The following RP1 variants were observed in gnomAD, a reference collection of about 807,000 sequenced individuals.
RP1 encodes the protein RP1 axonemal microtubule associated, also known as oxygen-regulated protein 1.
A neutral mutation model predicts 14.8 loss-of-function variants in RP1; 16 were observed. The ratio of observed to expected loss-of-function variants is 1.08; its 90% confidence interval spans 0.73 to 1.65. The LOEUF (loss-of-function observed/expected upper bound fraction) is 1.65. RP1 is among the 40% of genes most tolerant of loss of function. The pLI, the probability that RP1 is intolerant of heterozygous loss-of-function variation, is 0.00. For synonymous variants in RP1, 876 were observed against 883.6 expected (o/e 0.99, Z 0.15); for missense variants, 2,631 against 2,535.0 (o/e 1.04, Z -0.81).
chr8:54,604,766 G>A (rs887680368), intron 1 of RP1, among the ~76,000 whole-genome samples: 2 of 152,158 alleles, frequency 1.3e-5, no homozygotes, highest in African/African-American at 4.8e-5. Context: ...TTTAGTCTTG[G>A]GAGGGTGTAT....
intron 4 of RP1, among the ~76,000 whole-genome samples, chr8:54,651,496 C>G (rs578175364): frequency 2.5e-4 from 38 of 151,716 alleles, no homozygotes; most frequent in African/African-American, 8.9e-4. Flanking sequence ...TTTTGGTGGT[C>G]TGTGTGTTTC....
intron 7 of RP1, among the ~76,000 whole-genome samples, chr8:54,664,509 C>T (rs1468564718): frequency 2.0e-5 from 3 of 152,096 alleles, no homozygotes; most frequent in African/African-American, 7.2e-5. Context: ...ACAATCCCAC[C>T]AGCAGTGCAC....
At chr8:54,802,015 T>C (rs1198384741) in intron 24 of RP1, among the ~76,000 whole-genome samples, 2 of 152,200 alleles carry the variant, frequency 1.3e-5, no homozygotes, top group African/African-American at 4.8e-5. Context: ...TTATTTTCTT[T>C]TTATTAGATT....
chr8:54,743,832 T>C (rs1049079928), intron 19 of RP1, among the ~76,000 whole-genome samples: 1 of 152,190 alleles, frequency 6.6e-6, no homozygotes, highest in Non-Finnish European at 1.5e-5. Flanking sequence ...TCCCCACTAA[T>C]GCCCATTCAC....
At chr8:54,697,694 T>C (rs2129342098) in intron 12 of RP1, among the ~76,000 whole-genome samples, 1 of 152,272 alleles carries the variant, frequency 6.6e-6, no homozygotes, top group African/African-American at 2.4e-5. Flanking sequence ...CAAACAGATA[T>C]GTAGACCAAT....
intron 3 of RP1, among the ~76,000 whole-genome samples, chr8:54,623,849 G>T (rs969750744): frequency 9.9e-5 from 15 of 152,176 alleles, no homozygotes. Context: ...GTGGGAAGAT[G>T]AATACCATCA....
At chr8:54,590,794 A>T (rs1372060800) in intron 1 of RP1, among the ~76,000 whole-genome samples, 1 of 152,208 alleles carries the variant, frequency 6.6e-6, no homozygotes, top group Non-Finnish European at 1.5e-5. Flanking sequence ...TCAGACTCAG[A>T]TAGCCAACTG....
intron 24 of RP1, among the ~76,000 whole-genome samples, chr8:54,835,569 A>G (rs28618080): frequency 6.6e-6 from 1 of 151,924 alleles, no homozygotes; most frequent in Non-Finnish European, 1.5e-5. Flanking sequence ...TAGACCACTT[A>G]TTTTTGTTAT....
intron 5 of RP1, among the ~76,000 whole-genome samples, chr8:54,655,249 A>T (rs1806731376): frequency 6.6e-6 from 1 of 152,226 alleles, no homozygotes; most frequent in Non-Finnish European, 1.5e-5. Context: ...ACCCTTGCAC[A>T]CTGGCATGCT....
chr8:54,832,359 C>A (rs1372130672), intron 24 of RP1, among the ~76,000 whole-genome samples: 1 of 151,674 alleles, frequency 6.6e-6, no homozygotes, highest in Non-Finnish European at 1.5e-5. Flanking sequence ...TGGATAATTT[C>A]TATTAACTGT....
At chr8:54,839,661 G>C (rs1301348391) in intron 25 of RP1, among the ~76,000 whole-genome samples, 4 of 152,032 alleles carry the variant, frequency 2.6e-5, no homozygotes, top group Admixed American at 6.6e-5. Flanking sequence ...CAGAGGAACT[G>C]GGCTTCTCTC....
intron 24 of RP1, among the ~76,000 whole-genome samples, chr8:54,836,247 G>A (rs1246757084): frequency 6.6e-6 from 1 of 152,198 alleles, no homozygotes; most frequent in African/African-American, 2.4e-5. Flanking sequence ...GATTAGGGCA[G>A]ATGAAATATC....
intron 24 of RP1, among the ~76,000 whole-genome samples, chr8:54,828,882 C>CTTTTTTTTTTTTTTTTTTTTTTTT (rs201534661): frequency 1.2e-5 from 1 of 83,900 alleles, no homozygotes; most frequent in Non-Finnish European, 2.2e-5. Flanking sequence ...TCTTCTTCTT[C>CTTTTTTTTTTTTTTTTTTTTTTTT]TTTTTTTTTT....
chr8:54,598,137 A>G (rs1211302929), intron 1 of RP1, among the ~76,000 whole-genome samples: 1 of 152,186 alleles, frequency 6.6e-6, no homozygotes, highest in Non-Finnish European at 1.5e-5. Flanking sequence ...CCAATAATTT[A>G]ACGTAATTAT....
At chr8:54,597,289 A>G (rs912705657) in intron 1 of RP1, among the ~76,000 whole-genome samples, 1 of 152,206 alleles carries the variant, frequency 6.6e-6, no homozygotes, top group East Asian at 1.9e-4. Flanking sequence ...ATAATAGTAC[A>G]TACTTCCTAT....
At chr8:54,656,166 A>T in exon 6 of RP1, 1 of 1,535,756 alleles carries the variant, frequency 6.5e-7, no homozygotes, top group Non-Finnish European at 8.7e-7. Context: ...AGGATGGGGA[A>T]ATCTGTCGAG....
At chr8:54,642,487 A>G (rs992177669) in intron 3 of RP1, among the ~76,000 whole-genome samples, 2 of 152,246 alleles carry the variant, frequency 1.3e-5, no homozygotes, top group South Asian at 4.1e-4. Flanking sequence ...CAGCATGTGT[A>G]CATATATTTG....
In RP1 at chr8:54,768,309, T is replaced by C. The variant is rs74758651; in HGVS notation, c.3249-1432T>C. 5.8e-3 allele frequency among the ~76,000 whole-genome samples: 891 copies of C among 152,344 alleles called. 6 individuals are homozygous for C. The highest frequency in any genetic ancestry group is 0.018 in the African/African-American group (762 of 41,584). Reference sequence around the variant, plus strand: ...CCATTCCTGCAATTGAGTTGGTCAGTCTCTTTTTCTGCTCCTATAACATCT... The same window carrying C: ...CCATTCCTGCAATTGAGTTGGTCAGCCTCTTTTTCTGCTCCTATAACATCT... On this transcript the variant is annotated intron_variant, in intron 22 of 22. Coordinates refer to the RP1 transcript ENST00000636932.
At chr8:54,792,366 T>C (rs1013495086) in intron 24 of RP1, among the ~76,000 whole-genome samples, 1 of 151,888 alleles carries the variant, frequency 6.6e-6, no homozygotes, top group African/African-American at 2.4e-5. Flanking sequence ...CCAGTGAACC[T>C]AACAGACATA....
Sources: allele counts gnomAD v4.1 joint callset (sites outside exome capture counted in the v4.1 genomes callset), GRCh38; gene constraint gnomAD v4.1.1; transcripts MANE v1.5; gene names NCBI Gene and HGNC (gene_info 2026-07-23, HGNC 2026-07-21).